The following URI1 variants were observed in gnomAD, a reference collection of about 807,000 sequenced individuals.
URI1 encodes the protein unconventional prefoldin RPB5 interactor 1.
In URI1, 39 loss-of-function variants were observed where a neutral mutation model predicts 60.2. That is an observed-to-expected ratio of 0.65 (90% CI 0.50 to 0.85). The LOEUF is 0.85. Among genes scored for constraint, URI1 ranks in the 40% least tolerant of loss-of-function variants. The pLI is 0.00. For synonymous variants in URI1, 251 were observed against 236.8 expected, an observed-to-expected ratio of 1.06 and a Z score of -0.55; for missense variants, 691 against 665.9, an observed-to-expected ratio of 1.04 and a Z score of -0.42.
exon 1 of URI1, chr19:29,923,687 C>T (rs753849806): frequency 1.4e-5 from 22 of 1,536,418 alleles, no homozygotes; most frequent in Non-Finnish European, 1.9e-5. Context: ...GAGGTCACTG[C>T]CCTGATGACA....
At chr19:29,982,720 T>C (rs1428795446) in intron 2 of URI1, among the ~76,000 whole-genome samples, 3 of 152,236 alleles carry the variant, frequency 2.0e-5, no homozygotes, top group African/African-American at 4.8e-5. Context: ...CAGCAAGTTA[T>C]ACTATTTGTA....
At chr19:30,010,217 G>T (rs911920967) in intron 8 of URI1, among the ~76,000 whole-genome samples, 1 of 152,168 alleles carries the variant, frequency 6.6e-6, no homozygotes, top group African/African-American at 2.4e-5. Context: ...TATCAGTTAA[G>T]GGTCTGTGGT....
intron 1 of URI1, among the ~76,000 whole-genome samples, chr19:29,943,381 A>C (rs1025414197): frequency 6.6e-6 from 1 of 152,200 alleles, no homozygotes; most frequent in Admixed American, 6.5e-5. Flanking sequence ...AATTTAAGAA[A>C]TAGTTTTATT....
chr19:30,014,829 A>G, intron 10 of URI1, 58 bp from the exon 11 acceptor site: 5 of 1,496,816 alleles, frequency 3.3e-6, no homozygotes, highest in Non-Finnish European at 4.5e-6. Context: ...GTGAATGGGA[A>G]GATTTTGTGG....
At position 29,968,571 on chromosome 19, in the gene URI1, T is replaced by C. The variant is rs896204478; in HGVS notation, c.118-2622T>C. On this transcript the variant is annotated intron_variant, in intron 1 of 10. Coordinates refer to ENST00000392271, the MANE Select transcript of URI1 (RefSeq NM_003796.3). ...AGAAATTTACTAATTTTTTCTTTTTTTTTTTTTTTTTTTTTTTTGAGATGG... is the reference window on the plus strand; with the variant it reads ...AGAAATTTACTAATTTTTTCTTTTTCTTTTTTTTTTTTTTTTTTGAGATGG... Among the ~76,000 whole-genome samples, 665 of 126,400 alleles carry C rather than the reference T, an allele frequency of 5.3e-3. 6 individuals are homozygous for C. The highest frequency in any genetic ancestry group is 0.021 in the African/African-American group (642 of 30,910). 82.9% of individuals were successfully genotyped at this position (126,400 alleles called of 152,430 possible). A position where few individuals can be genotyped will look rare whatever the true frequency, so the allele number is the denominator to read the frequency against.
At chr19:29,999,557 A>C (rs965484511) in intron 4 of URI1, among the ~76,000 whole-genome samples, 1 of 151,798 alleles carries the variant, frequency 6.6e-6, no homozygotes, top group Admixed American at 6.6e-5. Context: ...CTTGTTGAAG[A>C]TTTCTTGTTT....
chr19:29,971,431 C>T (rs1032758025), intron 2 of URI1, among the ~76,000 whole-genome samples: 4 of 151,828 alleles, frequency 2.6e-5, no homozygotes, highest in Non-Finnish European at 4.4e-5. Context: ...GATTTCCTGA[C>T]GTTGTGTTAC....
At chr19:29,976,144 G>C (rs1172854875) in intron 2 of URI1, among the ~76,000 whole-genome samples, 6 of 152,108 alleles carry the variant, frequency 3.9e-5, no homozygotes, top group African/African-American at 1.4e-4. Flanking sequence ...ATGACTGAGA[G>C]TATAGCTCTG....
chr19:29,957,085 CT>C, intron 1 of URI1: 1 of 503,538 alleles, frequency 2.0e-6, no homozygotes, highest in South Asian at 2.2e-5. Flanking sequence ...GCTTATAATT[CT>C]TTTGGATTTA....
At chr19:29,976,107 ATT>A (rs141374883) in intron 2 of URI1, among the ~76,000 whole-genome samples, 1 of 151,608 alleles carries the variant, frequency 6.6e-6, no homozygotes, top group Admixed American at 6.6e-5. Context: ...ACCTGGAACT[ATT>A]TTTTTTTAAA....
At chr19:30,006,597 A>C (rs1466002053) in intron 6 of URI1, among the ~76,000 whole-genome samples, 1 of 152,162 alleles carries the variant, frequency 6.6e-6, no homozygotes, top group Non-Finnish European at 1.5e-5. Flanking sequence ...CTTATCAATA[A>C]TAGTTACAGA....
chr19:29,934,093 G>A (rs1188022963), intron 1 of URI1, among the ~76,000 whole-genome samples: 2 of 151,178 alleles, frequency 1.3e-5, no homozygotes, highest in South Asian at 2.1e-4. Flanking sequence ...CTGCCACCAC[G>A]CCCGGCTAAT....
rs577208167 is a variant in URI1 at position 29,932,641 on chromosome 19, C to T, written c.63+8887C>T. Among the ~76,000 whole-genome samples the T allele has an allele frequency of 3.6e-4, 43 of 119,032 alleles. 1 individual carries two copies. The East Asian group carries it at 0.011, about 31-fold the overall frequency. The allele number at this position is 119,032 out of a possible 152,430, so 78.1% of individuals were successfully genotyped here. A position where few individuals can be genotyped will look rare whatever the true frequency, so the allele number is the denominator to read the frequency against. On this transcript the variant is annotated intron_variant, in intron 1 of 10. Transcript: ENST00000360605. Reference sequence around the variant, plus strand: ...CCATTTGAGATTATTATGTGGTTTTCCCCCCTTCATTCCTTTTTTTTTTTT... The same window carrying T: ...CCATTTGAGATTATTATGTGGTTTTTCCCCCTTCATTCCTTTTTTTTTTTT...
rs2055036653 is a variant in URI1 at position 29,942,292 on chromosome 19, G to A, written c.-256G>A. ...GCCTGGCTGGGCCCGCACCGGAGAG[G>A]CGTCTCGGTACCTGGCAGGCGGCCT... On this transcript the variant is annotated 5_prime_UTR_variant, in exon 1 of 11. Coordinates refer to ENST00000392271, the MANE Select transcript of URI1 (RefSeq NM_003796.3). The A allele has an allele frequency of 1.0e-6, 1 of 985,160 alleles. No individual in the cohort carries two copies. Among genetic ancestry groups the A allele is most frequent in the South Asian group, 4.5e-5 (1 of 22,028 alleles). 61.0% of individuals were successfully genotyped at this position (985,160 alleles called of 1,614,324 possible). A position where few individuals can be genotyped will look rare whatever the true frequency, so the allele number is the denominator to read the frequency against.
Position 30,016,221 on chromosome 19 carries a change from C to T in URI1, c.*1152C>T, listed in dbSNP as rs912804500. ...ATGTCCTAGAAAAGTAGAAGCTATT[C>T]GTAACTAGAGCAGTGCAACTTTAAA... On this transcript the variant is annotated 3_prime_UTR_variant, in exon 11 of 11. Transcript: ENST00000392271. The T allele has an allele frequency of 2.0e-5, 3 of 152,032 alleles. No homozygotes were observed. The highest frequency in any genetic ancestry group is 3.2e-3 in the Middle Eastern group (1 of 316). 9.4% of individuals were successfully genotyped at this position (152,032 alleles called of 1,614,324 possible). A position where few individuals can be genotyped will look rare whatever the true frequency, so the allele number is the denominator to read the frequency against.
At chr19:29,970,347 G>GT (rs1296309027) in intron 1 of URI1, among the ~76,000 whole-genome samples, 1 of 151,770 alleles carries the variant, frequency 6.6e-6, no homozygotes, top group East Asian at 1.9e-4. Flanking sequence ...CTAGACTGCT[G>GT]TTTAAAATTT....
intron 6 of URI1, 46 bp downstream of exon 6, chr19:30,005,754 T>C (rs764112533): frequency 1.3e-6 from 2 of 1,543,586 alleles, no homozygotes; most frequent in Non-Finnish European, 1.8e-6. Flanking sequence ...GATATTTTGA[T>C]TTTTGTTGAT....
chr19:30,005,613 T>G, intron 5 of URI1, 38 bp from the exon 6 acceptor site: 1 of 1,597,086 alleles, frequency 6.3e-7, no homozygotes, highest in Non-Finnish European at 8.5e-7. Context: ...GCTGGAGATT[T>G]GTGTTGTTAA....
At chr19:29,926,088 T>A (rs2054863269) in intron 1 of URI1, among the ~76,000 whole-genome samples, 3 of 151,932 alleles carry the variant, frequency 2.0e-5, no homozygotes, top group African/African-American at 7.2e-5. Context: ...CCTTCCTTCC[T>A]CTTTCTCTCT....
Sources: gnomAD v4.1 joint callset for allele counts (sites outside exome capture counted in the v4.1 genomes callset) on GRCh38, gnomAD v4.1.1 for gene constraint, MANE v1.5 for transcripts, NCBI Gene and HGNC (gene_info 2026-07-23, HGNC 2026-07-21) for gene names.